The following CDHR2 variants were observed in gnomAD, a reference collection of about 807,000 sequenced individuals.
CDHR2 encodes the protein cadherin-related family member 2.
CDHR2 carries 104 observed loss-of-function variants against 138.6 expected under a neutral mutation model. That is an observed-to-expected ratio of 0.75 (90% CI 0.64 to 0.88). The LOEUF (loss-of-function observed/expected upper bound fraction) is 0.88. CDHR2 is among the 40% of genes least tolerant of loss of function. The pLI is 0.00. For synonymous variants in CDHR2, 755 were observed against 742.8 expected (o/e 1.02, Z -0.27); for missense variants, 1,624 against 1,727.6 (o/e 0.94, Z 1.06).
chr5:176,575,652 G>A lies in CDHR2; in HGVS notation c.844+71G>A, dbSNP rs111331750. The A allele has an allele frequency of 1.8e-5, 28 of 1,599,538 alleles. No individual in the cohort carries two copies. In the African/African-American group the frequency reaches 2.3e-4, roughly 13 times the overall value. ...TGGGGTCTCCGTCAGAGTCCCTGGA[G>A]GCAATGGGCCTGGGGCTCCGTCAGA... On this transcript the variant is annotated intron_variant, in intron 10 of 31. Transcript: ENST00000261944.
chr5:176,586,727 G>A (rs938801133), intron 20 of CDHR2, 66 bp from the exon 21 acceptor site: 2 of 1,469,040 alleles, frequency 1.4e-6, no homozygotes, highest in South Asian at 1.2e-5. Context: ...CTGGGCTCGT[G>A]ACCAGCCTTG....
Position 176,554,402 on chromosome 5 carries a change from G to A in CDHR2, c.-16+4988G>A, listed in dbSNP as rs189986363. On this transcript the variant is annotated intron_variant, in intron 1 of 31. Transcript: ENST00000261944. ...GGAAGAAGGTTTGCACTTGCTGAGC[G>A]CCTATTGTGTGCCAGGCGCTGAGGT... is the stretch of plus-strand genomic sequence containing the variant. 4.7e-3 allele frequency among the ~76,000 whole-genome samples: 714 copies of A among 152,296 alleles called. 5 individuals carry two copies. The highest frequency in any genetic ancestry group is 7.8e-3 in the Non-Finnish European group (531 of 68,010).
chr5:176,548,044 A>C (rs1255253377), upstream of CDHR2, among the ~76,000 whole-genome samples: 1 of 152,092 alleles, frequency 6.6e-6, no homozygotes, highest in Non-Finnish European at 1.5e-5. Context: ...CCCAGTCTCT[A>C]TACCACCGCC....
chr5:176,580,237 T>C (rs1312235491), intron 16 of CDHR2, among the ~76,000 whole-genome samples: 2 of 151,888 alleles, frequency 1.3e-5, no homozygotes, highest in African/African-American at 2.4e-5. Context: ...TTAAAACATA[T>C]AGCGCTGACG....
chr5:176,577,972 T>A, intron 14 of CDHR2, 62 bp from the exon 15 acceptor site: 4 of 1,546,120 alleles, frequency 2.6e-6, no homozygotes, highest in Non-Finnish European at 2.7e-6. Flanking sequence ...CCCCACGAGC[T>A]GCATGGGTGG....
chr5:176,590,183 G>GA (rs1349550230), intron 25 of CDHR2, 37 bp downstream of exon 25: 2 of 1,609,958 alleles, frequency 1.2e-6, no homozygotes, highest in South Asian at 2.2e-5. Context: ...GGTTGAGGGG[G>GA]AGAAGCGGTA....
chr5:176,566,799 C>G lies in CDHR2; in HGVS notation c.124+1056C>G, dbSNP rs745390281. On this transcript the variant is annotated intron_variant, in intron 3 of 31. Transcript: ENST00000261944. ...TGTCTCTTTGGCCAAAACTAAGCCA[C>G]AGACCCACGCCTAGCTGCAAGGGAA... 3.3e-4 allele frequency: 128 copies of G among 386,538 alleles called. 1 individual carries two copies. The highest frequency in any genetic ancestry group is 5.6e-4 in the Non-Finnish European group (107 of 192,290). 23.9% of individuals were successfully genotyped at this position (386,538 alleles called of 1,614,324 possible).
intron 1 of CDHR2, among the ~76,000 whole-genome samples, chr5:176,551,073 A>C (rs924833945): frequency 1.3e-5 from 2 of 152,136 alleles, no homozygotes; most frequent in Non-Finnish European, 2.9e-5. Context: ...GCAAGGCGCT[A>C]TCTCGGCTCA....
At chr5:176,544,674 G>A (rs763732499), upstream of CDHR2, among the ~76,000 whole-genome samples, 44 of 152,240 alleles carry the variant, frequency 2.9e-4, no homozygotes, top group Non-Finnish European at 4.4e-4. Flanking sequence ...TCCTGACATG[G>A]TGATCCGCCC....
Position 176,581,323 on chromosome 5 carries a change from ACCCC to A in CDHR2, c.1819-19_1819-16del, listed in dbSNP as rs535155748. On this transcript the variant is annotated splice_polypyrimidine_tract_variant and intron_variant, in intron 16 of 31. Transcript: ENST00000261944. Reference sequence around the variant, plus strand: ...TGGGAATGCCGATGGCCGATGACCAACCCCTGCTTACGTGCACAGGCCCACGACA... The same window carrying A: ...TGGGAATGCCGATGGCCGATGACCAATGCTTACGTGCACAGGCCCACGACA... 5.3e-5 allele frequency: 86 copies of A among 1,610,606 alleles called. 1 individual carries two copies. In the African/African-American group the frequency reaches 1.1e-3, roughly 20 times the overall value.
At chr5:176,594,418 G>A (rs79921038) in intron 31 of CDHR2, among the ~76,000 whole-genome samples, 5,612 of 152,300 alleles carry the variant, frequency 0.037, 169 homozygotes, top group Non-Finnish European at 0.058. Flanking sequence ...AGCTCCACAC[G>A]TCTGTGTGGT....
chr5:176,553,825 T>TTACC lies in CDHR2; in HGVS notation c.-16+4412_-16+4415dup, dbSNP rs1466455989. Among the ~76,000 whole-genome samples the TTACC allele has an allele frequency of 6.6e-6, 1 of 151,652 alleles. No individual in the cohort carries two copies. Among genetic ancestry groups the TTACC allele is most frequent in the Non-Finnish European group, 1.5e-5 (1 of 67,912 alleles). ...ACATCATCAGCATGTCCGTCCCTAC[T>TTACC]TACCACCACCAGTGCCACCCCTACC... On this transcript the variant is annotated intron_variant, in intron 1 of 31. Coordinates refer to ENST00000261944, the MANE Select transcript of CDHR2 (RefSeq NM_017675.6). The surrounding 1 kb of genome is among the most constrained non-coding windows in gnomAD (Gnocchi z 4.3).
At chr5:176,580,154 A>ACTCACACACG (rs1758494390) in intron 16 of CDHR2, among the ~76,000 whole-genome samples, 2 of 148,688 alleles carry the variant, frequency 1.3e-5, no homozygotes, top group Non-Finnish European at 3.0e-5. Flanking sequence ...ACTCACACAC[A>ACTCACACACG]CACTCACACA....
upstream of CDHR2, among the ~76,000 whole-genome samples, chr5:176,546,606 A>T (rs189520137): frequency 5.3e-5 from 8 of 152,178 alleles, no homozygotes; most frequent in African/African-American, 1.2e-4. Context: ...TAGATAAAAA[A>T]AATAATAAAA....
chr5:176,595,308 A>G (rs951748550), intron 31 of CDHR2, among the ~76,000 whole-genome samples: 1 of 152,126 alleles, frequency 6.6e-6, no homozygotes, highest in Non-Finnish European at 1.5e-5. Context: ...CAAAGGCAAG[A>G]GTGAATCCCC....
At chr5:176,591,134 C>G in intron 28 of CDHR2, 76 bp from the exon 29 acceptor site, 1 of 985,256 alleles carries the variant, frequency 1.0e-6, no homozygotes, top group African/African-American at 1.6e-5. Context: ...TCTTGTGAAG[C>G]CACAGGCTCA....
intron 31 of CDHR2, 149 bp downstream of exon 31, chr5:176,592,929 G>A (rs939853267): frequency 2.8e-6 from 2 of 709,710 alleles, no homozygotes; most frequent in Non-Finnish European, 5.1e-6. Context: ...TTTGGAATGG[G>A]GTCCAATTCC....
At chr5:176,548,618 C>T (rs1166317323), upstream of CDHR2, among the ~76,000 whole-genome samples, 6 of 152,178 alleles carry the variant, frequency 3.9e-5, no homozygotes, top group Admixed American at 2.0e-4. Flanking sequence ...AGGCCCACGC[C>T]TGTAATCCCA....
chr5:176,580,842 T>G (rs1019449586), intron 16 of CDHR2, among the ~76,000 whole-genome samples: 13 of 152,094 alleles, frequency 8.5e-5, no homozygotes, highest in Non-Finnish European at 2.9e-5. Flanking sequence ...ATCGCACCAT[T>G]GCACTCCAGC....
Sources: allele counts gnomAD v4.1 joint callset (sites outside exome capture counted in the v4.1 genomes callset), GRCh38; gene constraint gnomAD v4.1.1; non-coding constraint Gnocchi (gnomAD v3.1); transcripts MANE v1.5; gene names NCBI Gene and HGNC (gene_info 2026-07-23, HGNC 2026-07-21).